The following SMIM36 variants were observed in gnomAD, a reference collection of about 807,000 sequenced individuals.
SMIM36 encodes the protein small integral membrane protein 36.
chr17:55,521,501 C>T, the SMIM36 span, among the ~76,000 whole-genome samples: 1 of 152,310 alleles, frequency 6.6e-6, no homozygotes, highest in South Asian at 2.1e-4. Flanking sequence ...AGGCATTCTG[C>T]ATTCCTTTTG....
chr17:55,531,351 G>A, the SMIM36 span, among the ~76,000 whole-genome samples: 1 of 152,146 alleles, frequency 6.6e-6, no homozygotes, highest in Non-Finnish European at 1.5e-5. Context: ...TTCTTTTGAA[G>A]TTTTTGTATC....
the SMIM36 span, among the ~76,000 whole-genome samples, chr17:55,523,669 A>T: frequency 6.6e-6 from 1 of 152,144 alleles, no homozygotes; most frequent in South Asian, 2.1e-4. Flanking sequence ...TGTGAGAAAA[A>T]TAGGTTTCTG....
At chr17:55,470,169 C>T (rs182191464) in intron 3 of SMIM36, among the ~76,000 whole-genome samples, 139 of 152,234 alleles carry the variant, frequency 9.1e-4, no homozygotes, top group Admixed American at 2.4e-3. Flanking sequence ...CACTGGAAAT[C>T]GGACTGTCCA....
At chr17:55,528,294 C>G in the SMIM36 span, among the ~76,000 whole-genome samples, 1 of 152,246 alleles carries the variant, frequency 6.6e-6, no homozygotes, top group Middle Eastern at 3.4e-3. Flanking sequence ...TATTTACTAA[C>G]CAGGATAACA....
chr17:55,494,093 T>C (rs749317770), intron 1 of SMIM36, among the ~76,000 whole-genome samples: 2 of 152,170 alleles, frequency 1.3e-5, no homozygotes, highest in Admixed American at 6.5e-5. Flanking sequence ...AGTATTCTTA[T>C]GCTACAATGG....
chr17:55,475,651 T>C (rs1385491514), intron 3 of SMIM36, among the ~76,000 whole-genome samples: 1 of 152,206 alleles, frequency 6.6e-6, no homozygotes, highest in Admixed American at 6.5e-5. Flanking sequence ...AACTCAAGGA[T>C]AGAGCTCAAA....
chr17:55,472,816 C>T (rs549572011), intron 3 of SMIM36, among the ~76,000 whole-genome samples: 97 of 149,042 alleles, frequency 6.5e-4, no homozygotes, highest in African/African-American at 2.3e-3. Context: ...TGCAGTGAGC[C>T]GAGATTGGCC....
upstream of SMIM36, among the ~76,000 whole-genome samples, chr17:55,515,084 G>GTTTTTTTTTTTTTTTTTTTTTT (rs1567874075): frequency 2.0e-4 from 11 of 56,104 alleles, 5 homozygotes; most frequent in South Asian, 1.4e-3. Flanking sequence ...TTCTAGTCTA[G>GTTTTTTTTTTTTTTTTTTTTTT]TGTTTTTTTT....
intron 1 of SMIM36, among the ~76,000 whole-genome samples, chr17:55,491,388 G>A (rs896123339): frequency 6.0e-5 from 9 of 150,918 alleles, no homozygotes; most frequent in Admixed American, 1.3e-4. Flanking sequence ...CTTTTCCTTC[G>A]CTCCATTTTT....
At chr17:55,521,422 T>TC in the SMIM36 span, among the ~76,000 whole-genome samples, 1 of 152,244 alleles carries the variant, frequency 6.6e-6, no homozygotes, top group Non-Finnish European at 1.5e-5. Context: ...TGTTCCCTTT[T>TC]CTGGTTAGAA....
the SMIM36 span, among the ~76,000 whole-genome samples, chr17:55,530,051 TCTC>T: frequency 6.6e-6 from 1 of 152,158 alleles, no homozygotes; most frequent in African/African-American, 2.4e-5. Flanking sequence ...AAAGCTGAGT[TCTC>T]CTCCTAAGCC....
rs573383015 is a variant in SMIM36, at chr17:55,495,371, C to A, written c.*174+15508G>T. On this transcript the variant is annotated intron_variant, in intron 1 of 4. Transcript: ENST00000636752. ...TGGCTGATGGTGATTCACCAGCATG[C>A]TACAAACCCATGGATTGGAACCACT... Among the ~76,000 whole-genome samples the A allele has an allele frequency of 4.6e-5, 7 of 152,318 alleles. No homozygotes were observed. In the East Asian group the frequency reaches 1.3e-3, roughly 29 times the overall value.
intron 1 of SMIM36, among the ~76,000 whole-genome samples, chr17:55,494,782 T>C (rs1346579775): frequency 6.6e-6 from 1 of 152,096 alleles, no homozygotes; most frequent in African/African-American, 2.4e-5. Context: ...TATACTTTTG[T>C]ATATTTTGTT....
At chr17:55,521,996 A>G in the SMIM36 span, among the ~76,000 whole-genome samples, 1 of 152,080 alleles carries the variant, frequency 6.6e-6, no homozygotes, top group South Asian at 2.1e-4. Flanking sequence ...AACACATGTC[A>G]AACCATGTTA....
At chr17:55,469,478 A>G (rs907714074) in intron 3 of SMIM36, among the ~76,000 whole-genome samples, 2 of 152,162 alleles carry the variant, frequency 1.3e-5, no homozygotes, top group Admixed American at 6.5e-5. Flanking sequence ...CTTATTCTCA[A>G]TATGAATTTT....
At chr17:55,471,219 G>A (rs1909336546) in intron 3 of SMIM36, among the ~76,000 whole-genome samples, 1 of 152,108 alleles carries the variant, frequency 6.6e-6, no homozygotes, top group African/African-American at 2.4e-5. Flanking sequence ...TTCAGGGACA[G>A]GCCACACTAC....
At chr17:55,526,517 A>G in the SMIM36 span, among the ~76,000 whole-genome samples, 7 of 152,202 alleles carry the variant, frequency 4.6e-5, no homozygotes, top group African/African-American at 1.7e-4. Flanking sequence ...TAGAGGTACT[A>G]TGCAGTTTGT....
At chr17:55,453,024 A>T (rs963084337) in intron 4 of SMIM36, among the ~76,000 whole-genome samples, 1 of 152,216 alleles carries the variant, frequency 6.6e-6, no homozygotes, top group African/African-American at 2.4e-5. Context: ...ATGTGAGACC[A>T]CGGGCTGGGT....
chr17:55,462,149 G>A (rs1371089569), intron 4 of SMIM36, among the ~76,000 whole-genome samples: 1 of 151,972 alleles, frequency 6.6e-6, no homozygotes, highest in Non-Finnish European at 1.5e-5. Context: ...GATAGACTTG[G>A]GTTTGAATAT....
Sources: allele counts gnomAD v4.1 joint callset (sites outside exome capture counted in the v4.1 genomes callset), GRCh38; gene constraint gnomAD v4.1.1; transcripts MANE v1.5; gene names NCBI Gene and HGNC (gene_info 2026-07-23, HGNC 2026-07-21).